Variants in FTCD observed in about 807,000 individuals in gnomAD.
FTCD encodes formimidoyltransferase-cyclodeaminase.
A neutral mutation model predicts 62.9 loss-of-function variants in FTCD; 76 were observed. The observed-to-expected ratio is 1.21, with a 90% confidence interval of 1.00 to 1.46. FTCD has a LOEUF of 1.46. Among genes scored for constraint, FTCD ranks in the 40% most tolerant of loss-of-function variants. The pLI is 0.00. For missense variants in FTCD, 845 were observed against 751.3 expected (o/e 1.12, Z -1.46); for synonymous variants, 397 against 336.9 (o/e 1.18, Z -1.95).
At chr21:46,139,507 G>T (rs990366241) in intron 10 of FTCD, among the ~76,000 whole-genome samples, 5 of 152,200 alleles carry the variant, frequency 3.3e-5, no homozygotes, top group African/African-American at 1.2e-4. Context: ...CCCACTGGGA[G>T]CCCTACTCAC....
At chr21:46,151,764 G>C (rs2079283685) in intron 4 of FTCD, 27 bp from the exon 5 acceptor site, 5 of 1,611,424 alleles carry the variant, frequency 3.1e-6, no homozygotes, top group African/African-American at 1.3e-5. Flanking sequence ...TCTGGGGTGA[G>C]ACATCCCCCA....
chr21:46,137,545 C>T (rs1010255655), intron 12 of FTCD, among the ~76,000 whole-genome samples: 3 of 152,204 alleles, frequency 2.0e-5, no homozygotes, highest in Non-Finnish European at 4.4e-5. Context: ...AGGGCTCAGC[C>T]CCACAGGAGG....
chr21:46,139,665 G>A (rs139631385), intron 10 of FTCD, among the ~76,000 whole-genome samples: 12 of 152,306 alleles, frequency 7.9e-5, no homozygotes, highest in South Asian at 2.1e-4. Context: ...CTCCCTGGGC[G>A]CCAGCCAGAT....
chr21:46,141,510 A>G (rs1486345415), intron 10 of FTCD, among the ~76,000 whole-genome samples: 1 of 152,172 alleles, frequency 6.6e-6, no homozygotes, highest in African/African-American at 2.4e-5. Flanking sequence ...TCTAAAGTTC[A>G]TCAACCCATT....
At chr21:46,151,796 G>C (rs1031218777) in intron 4 of FTCD, 59 bp from the exon 5 acceptor site, 7 of 1,599,996 alleles carry the variant, frequency 4.4e-6, no homozygotes, top group Non-Finnish European at 5.1e-6. Context: ...AGCCCCCCGG[G>C]GTCCCGGGAA....
At chr21:46,148,138 A>C (rs984176065) in intron 7 of FTCD, among the ~76,000 whole-genome samples, 1 of 152,170 alleles carries the variant, frequency 6.6e-6, no homozygotes, top group Non-Finnish European at 1.5e-5. Context: ...TCAATACTTT[A>C]AACACCTTCA....
intron 11 of FTCD, 45 bp downstream of exon 11, chr21:46,138,834 TC>T: frequency 6.4e-7 from 1 of 1,558,438 alleles, no homozygotes; most frequent in Non-Finnish European, 8.9e-7. Flanking sequence ...GGCCACCAAC[TC>T]CCCAGACACA....
intron 7 of FTCD, chr21:46,146,529 A>G: frequency 1.7e-6 from 1 of 604,608 alleles, no homozygotes; most frequent in East Asian, 2.8e-5. Context: ...CCCAGCAGGC[A>G]CCCCGTACAG....
At chr21:46,141,164 G>C (rs2078996854) in intron 10 of FTCD, among the ~76,000 whole-genome samples, 1 of 152,130 alleles carries the variant, frequency 6.6e-6, no homozygotes, top group Non-Finnish European at 1.5e-5. Flanking sequence ...TAGAGACAGG[G>C]TGTCGTTCTG....
At chr21:46,137,451 GC>G in intron 12 of FTCD, 117 bp from the exon 13 acceptor site, 3 of 797,100 alleles carry the variant, frequency 3.8e-6, no homozygotes, top group Non-Finnish European at 6.6e-6. Flanking sequence ...CTCACAAGGA[GC>G]CCAGCGCAGC....
intron 12 of FTCD, 60 bp downstream of exon 12, chr21:46,138,448 G>A (rs2078918667): frequency 2.0e-6 from 3 of 1,506,490 alleles, no homozygotes; most frequent in Admixed American, 3.9e-5. Context: ...CAGCAACTCA[G>A]CCCCAACAGC....
At chr21:46,151,008 TCG>T (rs1367534561) in intron 5 of FTCD, among the ~76,000 whole-genome samples, 11 of 152,192 alleles carry the variant, frequency 7.2e-5, no homozygotes, top group Non-Finnish European at 2.9e-5. Context: ...AGTCTGCAGG[TCG>T]GGAAGCCGGG....
At position 46,145,904 on chromosome 21, in the gene FTCD, T is replaced by C; in HGVS notation, c.1012A>G (p.Lys338Glu). Residue 338 changes from lysine to glutamate, a missense_variant, in exon 9 of 14, where the codon AAG (lysine) becomes GAG (glutamate). Transcript: ENST00000397746. The stretch of plus-strand genomic sequence containing the variant: ...TCCCCCACGAAGGCGCGCAGGGACT[T>C]GCTGCCCAGGCCTCGCTCAGGCCCG... ...ERGPERGLGS[K>E]SLRAFVGEVG... 2.0e-6 allele frequency: 3 copies of C among 1,494,648 alleles called. No individual in the cohort carries two copies. Among genetic ancestry groups the C allele is most frequent in the Non-Finnish European group, 2.7e-6 (3 of 1,129,734 alleles). 92.6% of individuals were successfully genotyped at this position (1,494,648 alleles called of 1,614,324 possible). A position where few individuals can be genotyped will look rare whatever the true frequency, so the allele number is the denominator to read the frequency against.
rs1407654416 is a variant in FTCD at position 46,145,388 on chromosome 21, C to T, written c.1260+29G>A. On this transcript the variant is annotated intron_variant, in intron 10 of 13. Transcript: ENST00000397746. ...CTGGGGGTTCGCTGTTGGTGGGGCC[C>T]GGGGAGCCCTGCTGTGGCCGCCACT... The T allele has an allele frequency of 3.3e-6, 5 of 1,520,658 alleles. No individual in the cohort carries two copies. The South Asian group carries it at 3.6e-5, about 11-fold the overall frequency. 94.2% of individuals were successfully genotyped at this position (1,520,658 alleles called of 1,614,324 possible). A position where few individuals can be genotyped will look rare whatever the true frequency, so the allele number is the denominator to read the frequency against.
At chr21:46,154,540 C>G (rs901787588) in intron 1 of FTCD, among the ~76,000 whole-genome samples, 1 of 150,674 alleles carries the variant, frequency 6.6e-6, no homozygotes, top group Non-Finnish European at 1.5e-5. Flanking sequence ...GTCACTCCAG[C>G]CCAAGCACAG....
chr21:46,146,445 T>C lies in FTCD; in HGVS notation c.907-118A>G, dbSNP rs2079149864. ...CCCCCTGCCCCGAGCACACAGGTGC[T>C]TTTGCGGGGAGCAGGGCAGGGGCGT... On this transcript the variant is annotated intron_variant, in intron 7 of 13. Coordinates refer to ENST00000397746, the MANE Select transcript of FTCD (RefSeq NM_206965.2). 4 of 748,142 alleles carry C rather than the reference T, an allele frequency of 5.3e-6. No homozygotes were observed. In the African/African-American group the frequency reaches 6.9e-5, roughly 13 times the overall value. 46.3% of individuals were successfully genotyped at this position (748,142 alleles called of 1,614,324 possible). A position where few individuals can be genotyped will look rare whatever the true frequency, so the allele number is the denominator to read the frequency against.
chr21:46,145,371 T>C, intron 10 of FTCD, 46 bp downstream of exon 10: 7 of 1,481,882 alleles, frequency 4.7e-6, no homozygotes, highest in Non-Finnish European at 6.3e-6. Context: ...AGCTGGGGGT[T>C]CGCTGTTGGT....
intron 4 of FTCD, 28 bp downstream of exon 4, chr21:46,151,864 C>T (rs778422989): frequency 3.2e-6 from 5 of 1,555,232 alleles, no homozygotes; most frequent in Admixed American, 1.9e-5. Context: ...ACCTCCTTCC[C>T]AGGCCCGACC....
intron 10 of FTCD, among the ~76,000 whole-genome samples, chr21:46,139,505 G>A (rs55940244): frequency 0.12 from 18,103 of 152,208 alleles, 1,272 homozygotes; most frequent in East Asian, 0.35. Flanking sequence ...GACCCACTGG[G>A]AGCCCTACTC....
Sources: allele counts gnomAD v4.1 joint callset (sites outside exome capture counted in the v4.1 genomes callset), GRCh38; gene constraint gnomAD v4.1.1; transcripts MANE v1.5; gene names NCBI Gene and HGNC (gene_info 2026-07-23, HGNC 2026-07-21).